The following MRPL1 variants were observed in gnomAD, a reference collection of about 807,000 sequenced individuals.
MRPL1 encodes large ribosomal subunit protein uL1m.
A neutral mutation model predicts 38.0 loss-of-function variants in MRPL1; 28 were observed. The ratio of observed to expected loss-of-function variants is 0.74; its 90% CI spans 0.55 to 1.01. The LOEUF is 1.01. Among genes scored for constraint, MRPL1 ranks in the 50% least tolerant of loss-of-function variants. MRPL1 has a pLI of 0.00. For synonymous variants in MRPL1, 123 were observed against 126.7 expected, an observed-to-expected ratio of 0.97 and a Z score of 0.20; for missense variants, 358 against 389.8, an observed-to-expected ratio of 0.92 and a Z score of 0.69.
chr4:77,945,526 C>T (rs1488178458), intron 7 of MRPL1, among the ~76,000 whole-genome samples: 12 of 151,464 alleles, frequency 7.9e-5, no homozygotes, highest in African/African-American at 2.9e-4. Flanking sequence ...TAAGTTCTGT[C>T]TTCTGTAAGA....
chr4:77,879,501 A>T (rs1735488093), intron 2 of MRPL1, among the ~76,000 whole-genome samples: 1 of 152,200 alleles, frequency 6.6e-6, no homozygotes, highest in African/African-American at 2.4e-5. Context: ...TATTAATTTA[A>T]AAAGTCATAT....
intron 7 of MRPL1, among the ~76,000 whole-genome samples, chr4:77,945,952 T>A (rs1737253750): frequency 6.6e-6 from 1 of 152,176 alleles, no homozygotes; most frequent in Non-Finnish European, 1.5e-5. Flanking sequence ...GTGCACGTAT[T>A]GTCTTGATAA....
At position 77,871,775 on chromosome 4, in the gene MRPL1, C is replaced by T; in HGVS notation, c.63C>T (p.Ser21=). Reference sequence around the variant, plus strand: ...TACATCATCAAAGGCATAGCCTTTCCAAGATGGTTTATCAGACATCACTTT... The same window carrying T: ...TACATCATCAAAGGCATAGCCTTTCTAAGATGGTTTATCAGACATCACTTT... ...ALIHHQRHSL[S]KMVYQTSLCS... is the part of the protein sequence containing the mutation. The change falls in exon 2 of 9, where the codon TCC becomes TCT. Residue 21 remains serine (S), a synonymous_variant. Transcript: ENST00000315567. 1.3e-6 allele frequency: 2 copies of T among 1,590,632 alleles called. No homozygotes were observed. Among genetic ancestry groups the T allele is most frequent in the Non-Finnish European group, 1.7e-6 (2 of 1,172,434 alleles).
chr4:77,948,913 G>A (rs1026866911), intron 7 of MRPL1, among the ~76,000 whole-genome samples: 3 of 151,900 alleles, frequency 2.0e-5, no homozygotes, highest in Non-Finnish European at 4.4e-5. Flanking sequence ...TGGGATTACC[G>A]GCATCTGCCA....
At chr4:77,865,617 C>A (rs985411774) in intron 1 of MRPL1, among the ~76,000 whole-genome samples, 4 of 152,118 alleles carry the variant, frequency 2.6e-5, no homozygotes, top group African/African-American at 7.2e-5. Context: ...CCTTCCACTT[C>A]AGTCTCCTGA....
intron 2 of MRPL1, among the ~76,000 whole-genome samples, chr4:77,880,533 C>G (rs11731374): frequency 0.22 from 30,904 of 138,374 alleles, 3,967 homozygotes; most frequent in African/African-American, 0.37. Flanking sequence ...GTAATATATT[C>G]ACAAGATTTG....
In MRPL1 at chr4:77,883,376, C is replaced by T. The variant is rs116571938; in HGVS notation, c.278C>T (p.Pro93Leu). 17 of 1,613,590 alleles carry T rather than the reference C, an allele frequency of 1.1e-5. No individual in the cohort carries two copies. In the South Asian group the frequency reaches 1.1e-4, roughly 10 times the overall value. The change falls in exon 3 of 9, where the codon CCG (proline) becomes CTG (leucine). Residue 93 changes from proline (P) to leucine (L), a missense_variant. Coordinates refer to ENST00000315567, the MANE Select transcript of MRPL1 (RefSeq NM_020236.4). Reference sequence around the variant, plus strand: ...GATGTCTATTTAAAACGCTTATACCCGAGACAGATATATGAGGTGGAGAAA... The same window carrying T: ...GATGTCTATTTAAAACGCTTATACCTGAGACAGATATATGAGGTGGAGAAA... ...EDDVYLKRLYPRQIYEVEKAV... is the reference protein window; with the variant it reads ...EDDVYLKRLYLRQIYEVEKAV...
intron 7 of MRPL1, among the ~76,000 whole-genome samples, chr4:77,933,301 C>T (rs967478343): frequency 6.6e-6 from 1 of 152,082 alleles, no homozygotes; most frequent in African/African-American, 2.4e-5. Context: ...GGCATACCAC[C>T]CTTGCTTTTT....
At chr4:77,899,712 G>A (rs950929201) in intron 6 of MRPL1, among the ~76,000 whole-genome samples, 2 of 151,998 alleles carry the variant, frequency 1.3e-5, no homozygotes, top group Admixed American at 6.6e-5. Context: ...ATACTTGATC[G>A]TATAGTATAG....
intron 5 of MRPL1, among the ~76,000 whole-genome samples, chr4:77,890,588 G>A (rs1735784424): frequency 6.6e-6 from 1 of 152,184 alleles, no homozygotes; most frequent in South Asian, 2.1e-4. Context: ...AGACAGGGAT[G>A]CCCTCTCTCA....
chr4:77,873,602 C>T (rs1285566051), intron 2 of MRPL1, among the ~76,000 whole-genome samples: 1 of 152,208 alleles, frequency 6.6e-6, no homozygotes, highest in African/African-American at 2.4e-5. Context: ...TATCAGACAA[C>T]TGTGCCTCAG....
intron 5 of MRPL1, among the ~76,000 whole-genome samples, chr4:77,891,993 T>G (rs1035013462): frequency 6.6e-6 from 1 of 152,260 alleles, no homozygotes; most frequent in African/African-American, 2.4e-5. Context: ...ATTCAGGTTA[T>G]GAGGTAAATT....
intron 7 of MRPL1, among the ~76,000 whole-genome samples, chr4:77,934,419 TA>T (rs764135101): frequency 2.6e-5 from 4 of 152,172 alleles, no homozygotes; most frequent in Non-Finnish European, 5.9e-5. Flanking sequence ...CCAAAGATGA[TA>T]TACAAATGGA....
At chr4:77,869,407 G>A (rs1735225842) in intron 1 of MRPL1, among the ~76,000 whole-genome samples, 1 of 152,156 alleles carries the variant, frequency 6.6e-6, no homozygotes, top group Non-Finnish European at 1.5e-5. Context: ...AAATAATACA[G>A]CTAGACAAAT....
intron 6 of MRPL1, among the ~76,000 whole-genome samples, chr4:77,894,663 A>G (rs1290617164): frequency 6.6e-6 from 1 of 152,122 alleles, no homozygotes; most frequent in Non-Finnish European, 1.5e-5. Context: ...ATTTCTCTTA[A>G]GAAATTTTCC....
chr4:77,884,617 T>C (rs1055220580), intron 3 of MRPL1, among the ~76,000 whole-genome samples: 11 of 152,248 alleles, frequency 7.2e-5, no homozygotes, highest in Admixed American at 2.0e-4. Flanking sequence ...GATGATGGTC[T>C]AGGTTGTTTC....
chr4:77,942,097 A>C (rs1737143028), intron 7 of MRPL1, among the ~76,000 whole-genome samples: 1 of 152,098 alleles, frequency 6.6e-6, no homozygotes, highest in African/African-American at 2.4e-5. Context: ...AGTTCAAATA[A>C]TTTTTTAATT....
At chr4:77,883,863 C>G (rs1016410125) in intron 3 of MRPL1, among the ~76,000 whole-genome samples, 2 of 152,154 alleles carry the variant, frequency 1.3e-5, no homozygotes, top group South Asian at 4.1e-4. Flanking sequence ...CATGCATGAG[C>G]CACTGTGCCT....
intron 6 of MRPL1, chr4:77,907,073 G>C: frequency 1.0e-6 from 1 of 985,364 alleles, no homozygotes; most frequent in South Asian, 4.7e-5. Context: ...TATGTAATGA[G>C]TTCCTCACAT....
Sources: gnomAD v4.1 joint callset for allele counts (sites outside exome capture counted in the v4.1 genomes callset) on GRCh38, gnomAD v4.1.1 for gene constraint, MANE v1.5 for transcripts, NCBI Gene and HGNC (gene_info 2026-07-23, HGNC 2026-07-21) for gene names.